NXPE4: variants seen among roughly 807,000 people sequenced by gnomAD.
NXPE4 encodes neurexophilin and PC-esterase domain family member 4, also known as NXPE family member 4.
A neutral mutation model predicts 33.3 loss-of-function variants in NXPE4; 42 were observed. The observed-to-expected ratio is 1.26, with a 90% CI of 0.98 to 1.63. The LOEUF is 1.63. Among genes scored for constraint, NXPE4 ranks in the 40% most tolerant of loss-of-function variants. The probability of loss-of-function intolerance (pLI) is 0.00; values close to 1 mark genes in which losing one functional copy is unlikely to be tolerated. For synonymous variants in NXPE4, 253 were observed against 234.9 expected (o/e 1.08, Z -0.71); for missense variants, 709 against 647.6 (o/e 1.09, Z -1.03).
At chr11:114,592,401 C>G (rs1949476718) in intron 2 of NXPE4, among the ~76,000 whole-genome samples, 1 of 151,680 alleles carries the variant, frequency 6.6e-6, no homozygotes. Context: ...GAAAAAATAT[C>G]AAAAAAGCAA....
the NXPE4 span, among the ~76,000 whole-genome samples, chr11:114,657,033 G>T: frequency 8.7e-3 from 1,325 of 152,310 alleles, 19 homozygotes; most frequent in African/African-American, 0.031. Context: ...GGCAGAGCTT[G>T]CAGTGAGCTG....
At chr11:114,640,306 T>C in the NXPE4 span, among the ~76,000 whole-genome samples, 1 of 146,226 alleles carries the variant, frequency 6.8e-6, no homozygotes, top group East Asian at 1.9e-4. Flanking sequence ...TAAATTTTTA[T>C]ATATTTATAT....
At chr11:114,612,582 T>C in the NXPE4 span, among the ~76,000 whole-genome samples, 1 of 152,030 alleles carries the variant, frequency 6.6e-6, no homozygotes. Context: ...ACCCAATGGA[T>C]AATAAGTATT....
At chr11:114,640,025 G>A in the NXPE4 span, among the ~76,000 whole-genome samples, 3 of 115,494 alleles carry the variant, frequency 2.6e-5, no homozygotes, top group African/African-American at 1.1e-4. Context: ...ATTTTATAAT[G>A]TAACATAATT....
intron 5 of NXPE4, among the ~76,000 whole-genome samples, chr11:114,574,143 T>TA (rs1173860612): frequency 6.6e-6 from 1 of 151,992 alleles, no homozygotes; most frequent in Non-Finnish European, 1.5e-5. Context: ...AGATGGAAAT[T>TA]AAAAAATTCT....
At chr11:114,630,779 T>C in the NXPE4 span, among the ~76,000 whole-genome samples, 38 of 151,168 alleles carry the variant, frequency 2.5e-4, no homozygotes, top group South Asian at 8.3e-4. Flanking sequence ...ACTCATCTGA[T>C]AAAGGGTTAA....
At chr11:114,588,919 C>T (rs958317871) in intron 2 of NXPE4, among the ~76,000 whole-genome samples, 2 of 152,050 alleles carry the variant, frequency 1.3e-5, no homozygotes, top group African/African-American at 4.8e-5. Flanking sequence ...GGCTATAGGG[C>T]CAGATAGCAT....
At chr11:114,604,757 T>TGGG in the NXPE4 span, among the ~76,000 whole-genome samples, 1 of 151,884 alleles carries the variant, frequency 6.6e-6, no homozygotes, top group African/African-American at 2.4e-5. Context: ...TATTGCCTCA[T>TGGG]TGGTAACCAC....
At chr11:114,673,293 A>G in the NXPE4 span, among the ~76,000 whole-genome samples, 1 of 151,550 alleles carries the variant, frequency 6.6e-6, no homozygotes, top group Non-Finnish European at 1.5e-5. Flanking sequence ...AAATGAAGGT[A>G]TAACAAACCA....
chr11:114,626,118 C>G, the NXPE4 span, among the ~76,000 whole-genome samples: 1 of 152,118 alleles, frequency 6.6e-6, no homozygotes, highest in Non-Finnish European at 1.5e-5. Flanking sequence ...CGCCATTGCC[C>G]AGGCTTGCTT....
At chr11:114,665,135 T>C in the NXPE4 span, among the ~76,000 whole-genome samples, 5 of 152,282 alleles carry the variant, frequency 3.3e-5, no homozygotes, top group East Asian at 9.6e-4. Context: ...ATATATAAAG[T>C]AGCCTTGCCA....
chr11:114,637,768 C>T, the NXPE4 span, among the ~76,000 whole-genome samples: 5 of 151,762 alleles, frequency 3.3e-5, no homozygotes, highest in African/African-American at 9.7e-5. Flanking sequence ...AAATTCTTCT[C>T]TTTAAGAATG....
Position 114,580,333 on chromosome 11 carries a change from T to C in NXPE4, c.898A>G (p.Thr300Ala), listed in dbSNP as rs1949109466. Residue 300 changes from threonine (T) to alanine (A), a missense_variant, in exon 5 of 6, where the codon ACA becomes GCA. Physicochemically the swap from Thr to Ala is moderately conservative, Grantham distance 58. Coordinates refer to ENST00000375478, the MANE Select transcript of NXPE4 (RefSeq NM_001077639.2). ...TISVSKCNKE[T>A]VAMKEKCKFG... ...TTGCATTTCTCTTTCATTGCAACTGTTTCTTCTGCCAAAGAATCAATGAGA... is the reference window on the plus strand; with the variant it reads ...TTGCATTTCTCTTTCATTGCAACTGCTTCTTCTGCCAAAGAATCAATGAGA... 6.2e-7 allele frequency: 1 copy of C among 1,613,770 alleles called. No homozygotes were observed. The highest frequency in any genetic ancestry group is 8.5e-7 in the Non-Finnish European group (1 of 1,179,778).
intron 2 of NXPE4, among the ~76,000 whole-genome samples, chr11:114,593,096 T>C (rs1007404541): frequency 2.6e-5 from 4 of 152,116 alleles, no homozygotes; most frequent in African/African-American, 7.2e-5. Flanking sequence ...TAGGGAATAC[T>C]GTTCAGGACA....
chr11:114,626,710 C>T, the NXPE4 span, among the ~76,000 whole-genome samples: 1 of 152,150 alleles, frequency 6.6e-6, no homozygotes, highest in Non-Finnish European at 1.5e-5. Context: ...TTCAGACAAT[C>T]AAATTATTCC....
chr11:114,607,055 G>T, the NXPE4 span, among the ~76,000 whole-genome samples: 1 of 151,644 alleles, frequency 6.6e-6, no homozygotes, highest in Non-Finnish European at 1.5e-5. Context: ...GTATTGCCTC[G>T]TGGGTAACCA....
intron 2 of NXPE4, among the ~76,000 whole-genome samples, chr11:114,587,046 C>T (rs945056527): frequency 3.3e-5 from 5 of 152,082 alleles, no homozygotes; most frequent in Admixed American, 1.3e-4. Flanking sequence ...CCTAGTGGAA[C>T]GGGAACCCTA....
the NXPE4 span, among the ~76,000 whole-genome samples, chr11:114,626,675 T>C: frequency 6.6e-6 from 1 of 152,208 alleles, no homozygotes; most frequent in Non-Finnish European, 1.5e-5. Flanking sequence ...GGACGGAGAA[T>C]GACTTTGATG....
At chr11:114,655,112 G>A in the NXPE4 span, among the ~76,000 whole-genome samples, 1,392 of 151,168 alleles carry the variant, frequency 9.2e-3, 20 homozygotes, top group African/African-American at 0.032. Context: ...TGTTTGCCAC[G>A]TAAATATCTT....
Sources: allele counts gnomAD v4.1 joint callset (sites outside exome capture counted in the v4.1 genomes callset), GRCh38; gene constraint gnomAD v4.1.1; transcripts MANE v1.5; gene names NCBI Gene and HGNC (gene_info 2026-07-23, HGNC 2026-07-21).